Variants in PAQR5 observed in about 807,000 individuals in gnomAD.
The protein encoded by PAQR5 is progestin and adipoQ receptor family member 5, also known as membrane progestin receptor gamma.
Under a neutral mutation model 34.5 loss-of-function variants are expected in PAQR5, and 20 were observed. The observed-to-expected ratio is 0.58, with a 90% CI of 0.41 to 0.84. The LOEUF (loss-of-function observed/expected upper bound fraction) is 0.84. Ranked by LOEUF, PAQR5 falls within the 40% of genes least tolerant of loss-of-function variation. The probability of loss-of-function intolerance (pLI) is 0.00; values close to 1 mark genes in which losing one functional copy is unlikely to be tolerated. For missense variants in PAQR5, 378 were observed against 412.7 expected (o/e 0.92, Z 0.73); for synonymous variants, 131 against 155.6 (o/e 0.84, Z 1.18).
intron 2 of PAQR5, among the ~76,000 whole-genome samples, chr15:69,356,679 T>A (rs2055087200): frequency 6.6e-6 from 1 of 152,136 alleles, no homozygotes; most frequent in African/African-American, 2.4e-5. Context: ...ACTATCCAGC[T>A]TTCTGTTTCT....
Position 69,404,615 on chromosome 15 carries a change from A to C in PAQR5, c.*793A>C, listed in dbSNP as rs542151191. On this transcript the variant is annotated 3_prime_UTR_variant, in exon 9 of 9. Transcript: ENST00000395407. ...ATAAGAGTTGACTGAGTTAATCCCA[A>C]TTGGTTGTGCTCATATGCCACCTTT... 1 of 229,516 alleles carries C rather than the reference A, an allele frequency of 4.4e-6. No individual in the cohort carries two copies. Among genetic ancestry groups the C allele is most frequent in the South Asian group, 1.8e-4 (1 of 5,504 alleles). The allele number at this position is 229,516 out of a possible 1,614,324, so 14.2% of individuals were successfully genotyped here.
chr15:69,329,195 G>A (rs745866491), intron 1 of PAQR5, among the ~76,000 whole-genome samples: 75 of 152,102 alleles, frequency 4.9e-4, no homozygotes, highest in Non-Finnish European at 9.4e-4. Flanking sequence ...CATAGCCCTT[G>A]TCCCCAGTGA....
intron 1 of PAQR5, among the ~76,000 whole-genome samples, chr15:69,330,165 G>C (rs560040815): frequency 1.4e-4 from 22 of 152,222 alleles, no homozygotes; most frequent in African/African-American, 4.8e-4. Flanking sequence ...GCAGTCCAGG[G>C]TACTTGTTAC....
chr15:69,333,415 A>G (rs966867659), intron 1 of PAQR5, among the ~76,000 whole-genome samples: 5 of 152,192 alleles, frequency 3.3e-5, no homozygotes, highest in Non-Finnish European at 7.3e-5. Context: ...TAGGTAGGAA[A>G]TATACTTTAG....
chr15:69,321,468 A>G lies in PAQR5; in HGVS notation c.-276-15873A>G, dbSNP rs117264983. On this transcript the variant is annotated intron_variant, in intron 1 of 8. Coordinates refer to ENST00000395407, the MANE Select transcript of PAQR5 (RefSeq NM_017705.4). Reference sequence around the variant, plus strand: ...TGCAATTACTTCAGTATACATCTCCAAAGGAAAATGGCCCAATAAAACACA... The same window carrying G: ...TGCAATTACTTCAGTATACATCTCCGAAGGAAAATGGCCCAATAAAACACA... Among the ~76,000 whole-genome samples the G allele has an allele frequency of 4.8e-3, 726 of 152,326 alleles. 6 individuals are homozygous for G. Among genetic ancestry groups the G allele is most frequent in the Non-Finnish European group, 7.7e-3 (527 of 68,018 alleles).
chr15:69,325,927 G>A (rs772327039), intron 1 of PAQR5, among the ~76,000 whole-genome samples: 6 of 152,160 alleles, frequency 3.9e-5, no homozygotes, highest in Non-Finnish European at 1.5e-5. Flanking sequence ...GGGCTCCCCT[G>A]TCTGTGTTCC....
intron 6 of PAQR5, chr15:69,391,844 G>A (rs1234551110): frequency 2.6e-6 from 1 of 386,138 alleles, no homozygotes; most frequent in Non-Finnish European, 5.2e-6. Flanking sequence ...ATCACCTGAG[G>A]TCAGGAGTTC....
Position 69,335,404 on chromosome 15 carries a change from C to T in PAQR5, c.-276-1937C>T, listed in dbSNP as rs189686305. ...GGGATTACAGGCATGAACCACCACA[C>T]CTGGCTAATTTTTTATTTGTAGTAG... On this transcript the variant is annotated intron_variant, in intron 1 of 8. Transcript: ENST00000395407. Among the ~76,000 whole-genome samples the T allele has an allele frequency of 7.0e-3, 1,054 of 150,972 alleles. 15 individuals are homozygous for T. Among genetic ancestry groups the T allele is most frequent in the African/African-American group, 0.024 (992 of 41,174 alleles).
intron 2 of PAQR5, among the ~76,000 whole-genome samples, chr15:69,354,787 G>A (rs912019437): frequency 6.6e-6 from 1 of 152,090 alleles, no homozygotes; most frequent in African/African-American, 2.4e-5. Context: ...GACCAAGTGG[G>A]GAAGATCCAC....
chr15:69,340,975 G>T (rs909408526), intron 2 of PAQR5, among the ~76,000 whole-genome samples: 1 of 152,116 alleles, frequency 6.6e-6, no homozygotes, highest in Non-Finnish European at 1.5e-5. Context: ...CAAAAAGCAC[G>T]TGCTTTTTAA....
intron 2 of PAQR5, among the ~76,000 whole-genome samples, chr15:69,344,085 T>C (rs975474942): frequency 1.4e-4 from 21 of 152,106 alleles, no homozygotes; most frequent in African/African-American, 4.1e-4. Flanking sequence ...CCACCTGCCT[T>C]GGCCTCCCAA....
chr15:69,343,728 G>A (rs957607381), intron 2 of PAQR5, among the ~76,000 whole-genome samples: 2 of 152,146 alleles, frequency 1.3e-5, no homozygotes, highest in Non-Finnish European at 2.9e-5. Context: ...GTGGGTGTGT[G>A]TGTTAGTAGT....
At chr15:69,304,857 C>T (rs541824022) in intron 1 of PAQR5, among the ~76,000 whole-genome samples, 12 of 152,336 alleles carry the variant, frequency 7.9e-5, no homozygotes, top group South Asian at 2.1e-4. Flanking sequence ...AGCTTCTAGA[C>T]CCCAGAGTCC....
Position 69,402,840 on chromosome 15 carries a change from C to T in PAQR5, c.752-741C>T, listed in dbSNP as rs73426025. On this transcript the variant is annotated intron_variant, in intron 8 of 8. Transcript: ENST00000395407. The stretch of plus-strand genomic sequence containing the variant: ...GAGGGTTGTCCCCCAAAGCTGCCCC[C>T]GACCCTAGGCATTGGATTTGTTTTC... Among the ~76,000 whole-genome samples the T allele has an allele frequency of 6.4e-3, 972 of 152,340 alleles. 7 individuals carry two copies. Among genetic ancestry groups the T allele is most frequent in the African/African-American group, 0.022 (906 of 41,572 alleles).
intron 4 of PAQR5, among the ~76,000 whole-genome samples, chr15:69,383,476 T>G (rs1595920802): frequency 9.2e-6 from 1 of 109,176 alleles, no homozygotes; most frequent in African/African-American, 3.8e-5. Flanking sequence ...TGGTGGAGGG[T>G]GAGTGGGCCT....
At chr15:69,390,304 T>C (rs1201302262) in intron 6 of PAQR5, among the ~76,000 whole-genome samples, 2 of 151,646 alleles carry the variant, frequency 1.3e-5, no homozygotes, top group African/African-American at 4.8e-5. Flanking sequence ...GCGTGAGCCA[T>C]GGTGCCTGAC....
At chr15:69,391,765 T>G (rs946830609) in intron 6 of PAQR5, 1 of 448,352 alleles carries the variant, frequency 2.2e-6, no homozygotes, top group Non-Finnish European at 4.5e-6. Flanking sequence ...GAAGAAAGTC[T>G]CCAGAGTGAG....
At position 69,315,328 on chromosome 15, in the gene PAQR5, T is replaced by A. The variant is rs139427791; in HGVS notation, c.-277+16272T>A. ...GTTCAGGGAGGAAGATCGGGGTCTT[T>A]GTCTGAATAATAAAAGAAAAGAAAA... On this transcript the variant is annotated intron_variant, in intron 1 of 8. Coordinates refer to ENST00000395407, the MANE Select transcript of PAQR5 (RefSeq NM_017705.4). Among the ~76,000 whole-genome samples the A allele has an allele frequency of 1.8e-4, 28 of 152,292 alleles. No homozygotes were observed. In the East Asian group the frequency reaches 4.4e-3, roughly 24 times the overall value.
At chr15:69,380,479 CCA>C (rs1243210844) in intron 4 of PAQR5, 1 of 156,906 alleles carries the variant, frequency 6.4e-6, no homozygotes, top group Non-Finnish European at 1.4e-5. Flanking sequence ...GAGGCATCTG[CCA>C]CAGAGTTGTG....
Sources: allele counts gnomAD v4.1 joint callset (sites outside exome capture counted in the v4.1 genomes callset), GRCh38; gene constraint gnomAD v4.1.1; transcripts MANE v1.5; gene names NCBI Gene and HGNC (gene_info 2026-07-23, HGNC 2026-07-21).